The following VRK2 variants were observed in gnomAD, a reference collection of about 807,000 sequenced individuals.
VRK2 encodes the protein serine/threonine-protein kinase VRK2.
VRK2 carries 60 observed loss-of-function variants against 57.6 expected under a neutral mutation model. The ratio of observed to expected loss-of-function variants is 1.04; its 90% CI spans 0.85 to 1.29. The LOEUF is 1.29. Among genes scored for constraint, VRK2 ranks in the 50% most tolerant of loss-of-function variants. VRK2 has a pLI of 0.00. For synonymous variants in VRK2, 231 were observed against 199.2 expected, an observed-to-expected ratio of 1.16 and a Z score of -1.35; for missense variants, 705 against 588.1, an observed-to-expected ratio of 1.20 and a Z score of -2.06.
chr2:58,046,315 G>A (rs376334991), upstream of VRK2, among the ~76,000 whole-genome samples: 48 of 152,342 alleles, frequency 3.2e-4, no homozygotes, highest in South Asian at 9.3e-3. Context: ...ATTAATGGCA[G>A]AAATAGGTCC....
At position 57,926,998 on chromosome 2, in the gene VRK2, T is replaced by TGTGTGTGTG. The variant is rs540927767; in HGVS notation, c.-439+19159_-439+19160insGTGTGTGTG. ...TTCTCTGGTAATATGTTTTAATTTC[T>TGTGTGTGTG]TGTGTGTGTGTGTGTGTGTGTGTGT... On this transcript the variant is annotated intron_variant, in intron 1 of 15. Transcript: ENST00000417641. 5.6e-3 allele frequency among the ~76,000 whole-genome samples: 797 copies of TGTGTGTGTG among 142,832 alleles called. 18 individuals are homozygous for TGTGTGTGTG. The highest frequency in any genetic ancestry group is 0.018 in the African/African-American group (678 of 38,494). 93.7% of individuals were successfully genotyped at this position (142,832 alleles called of 152,430 possible). A position where few individuals can be genotyped will look rare whatever the true frequency, so the allele number is the denominator to read the frequency against.
At chr2:58,044,324 G>T (rs542332907), upstream of VRK2, among the ~76,000 whole-genome samples, 3 of 152,268 alleles carry the variant, frequency 2.0e-5, no homozygotes, top group African/African-American at 7.2e-5. Flanking sequence ...TCGTTACCTA[G>T]ACTCAGCACA....
chr2:57,969,262 G>C lies in VRK2; in HGVS notation c.-438-56403G>C, dbSNP rs528139738. On this transcript the variant is annotated intron_variant, in intron 1 of 15. Transcript: ENST00000417641. ...TAATGTATTGGGAACTAATAAAGTAGACAAAGCAACATATACAATTTTCAT... is the reference window on the plus strand; with the variant it reads ...TAATGTATTGGGAACTAATAAAGTACACAAAGCAACATATACAATTTTCAT... 5.9e-5 allele frequency among the ~76,000 whole-genome samples: 9 copies of C among 151,964 alleles called. No homozygotes were observed. In the South Asian group the frequency reaches 1.9e-3, roughly 31 times the overall value.
intron 1 of VRK2, among the ~76,000 whole-genome samples, chr2:57,912,060 T>C (rs1670001521): frequency 6.6e-6 from 1 of 152,186 alleles, no homozygotes; most frequent in African/African-American, 2.4e-5. Flanking sequence ...CAATACAAAA[T>C]GAAAAGAAGA....
At chr2:57,922,765 T>C (rs1251929864) in intron 1 of VRK2, among the ~76,000 whole-genome samples, 1 of 151,788 alleles carries the variant, frequency 6.6e-6, no homozygotes, top group Non-Finnish European at 1.5e-5. Context: ...ATTATACTTA[T>C]AGTTATTTTT....
chr2:58,115,562 G>A (rs1234744398), intron 7 of VRK2, among the ~76,000 whole-genome samples: 2 of 152,152 alleles, frequency 1.3e-5, no homozygotes, highest in Non-Finnish European at 2.9e-5. Flanking sequence ...TGGACAGAAA[G>A]GCTACACGGT....
chr2:57,998,041 T>C (rs1158947256), intron 1 of VRK2, among the ~76,000 whole-genome samples: 1 of 152,234 alleles, frequency 6.6e-6, no homozygotes, highest in South Asian at 2.1e-4. Flanking sequence ...GAATGGATGC[T>C]GACTGGGACA....
chr2:58,093,863 A>T (rs1352737047), intron 7 of VRK2, among the ~76,000 whole-genome samples: 2 of 152,216 alleles, frequency 1.3e-5, no homozygotes, highest in African/African-American at 2.4e-5. Flanking sequence ...GAAGGGATCC[A>T]GTTTCAGCTT....
chr2:57,952,661 G>A (rs1325787155), intron 1 of VRK2, among the ~76,000 whole-genome samples: 1 of 151,742 alleles, frequency 6.6e-6, no homozygotes, highest in Non-Finnish European at 1.5e-5. Context: ...AAGTATTCTC[G>A]GATACATGAT....
intron 1 of VRK2, among the ~76,000 whole-genome samples, chr2:57,976,556 GTTGT>G (rs1240954008): frequency 2.5e-4 from 38 of 151,854 alleles, no homozygotes; most frequent in Non-Finnish European, 2.9e-5. Flanking sequence ...TTTTAATAGG[GTTGT>G]TTGTTTTTTG....
chr2:58,112,155 C>T (rs1675666071), intron 7 of VRK2, among the ~76,000 whole-genome samples: 1 of 152,108 alleles, frequency 6.6e-6, no homozygotes, highest in African/African-American at 2.4e-5. Context: ...GTCATATCAG[C>T]CAGGATTCGA....
rs368334503 is a variant in VRK2 at position 58,075,258 on chromosome 2, T to A, written c.137-8831T>A. ...TTTATGGCTGTGTAGTATTCCGTAG[T>A]GTATATGTACCACACTTTCTTTATA... On this transcript the variant is annotated intron_variant, in intron 2 of 12. Coordinates refer to ENST00000340157, the MANE Select transcript of VRK2 (RefSeq NM_006296.7). Among the ~76,000 whole-genome samples the A allele has an allele frequency of 3.2e-4, 49 of 152,262 alleles. No individual in the cohort carries two copies. The South Asian group carries it at 9.5e-3, about 30-fold the overall frequency.
chr2:58,081,438 T>A (rs1385569570), intron 2 of VRK2, among the ~76,000 whole-genome samples: 1 of 152,002 alleles, frequency 6.6e-6, no homozygotes, highest in Non-Finnish European at 1.5e-5. Context: ...TATTTTGTAT[T>A]TTTTTATTTA....
rs571012312 is a variant in VRK2, at chr2:57,983,476, T to C, written c.-438-42189T>C. Reference sequence around the variant, plus strand: ...TTCACAGGTTTCAGAGATTAGGGCATAGAGATACTTGGGATGTCATTATGC... The same window carrying C: ...TTCACAGGTTTCAGAGATTAGGGCACAGAGATACTTGGGATGTCATTATGC... On this transcript the variant is annotated intron_variant, in intron 1 of 15. Coordinates refer to the VRK2 transcript ENST00000417641. Among the ~76,000 whole-genome samples, 23 of 152,234 alleles carry C rather than the reference T, an allele frequency of 1.5e-4. No homozygotes were observed. The East Asian group carries it at 3.9e-3, about 26-fold the overall frequency.
chr2:58,044,877 G>A (rs2103734453), upstream of VRK2, among the ~76,000 whole-genome samples: 1 of 152,266 alleles, frequency 6.6e-6, no homozygotes, highest in South Asian at 2.1e-4. Flanking sequence ...TCGTCATGTT[G>A]GGGGATATTT....
chr2:58,117,739 T>G (rs372881731), intron 7 of VRK2, among the ~76,000 whole-genome samples: 1 of 152,114 alleles, frequency 6.6e-6, no homozygotes, highest in Non-Finnish European at 1.5e-5. Context: ...CAAGTTTGTA[T>G]TGGGGTCAAG....
chr2:58,106,523 G>A (rs1674777895), intron 7 of VRK2, among the ~76,000 whole-genome samples: 2 of 151,922 alleles, frequency 1.3e-5, no homozygotes, highest in South Asian at 2.1e-4. Flanking sequence ...GTCCTAATGG[G>A]GCAGTAGATG....
At chr2:57,927,279 CT>C (rs200017573) in intron 1 of VRK2, among the ~76,000 whole-genome samples, 29,204 of 136,736 alleles carry the variant, frequency 0.21, 3,668 homozygotes, top group African/African-American at 0.43. Flanking sequence ...ATATTTTAGT[CT>C]TTTTTTTTTT....
At chr2:58,050,620 C>G (rs188039187) in intron 2 of VRK2, among the ~76,000 whole-genome samples, 1 of 152,128 alleles carries the variant, frequency 6.6e-6, no homozygotes, top group Admixed American at 6.5e-5. Context: ...GATTTTATCT[C>G]TTTGATTTTC....
Sources: allele counts gnomAD v4.1 joint callset (sites outside exome capture counted in the v4.1 genomes callset), GRCh38; gene constraint gnomAD v4.1.1; transcripts MANE v1.5; gene names NCBI Gene and HGNC (gene_info 2026-07-23, HGNC 2026-07-21).